The following SUGCT variants were observed in gnomAD, a reference collection of about 807,000 sequenced individuals.
The protein encoded by SUGCT is succinyl-CoA:glutarate-CoA transferase, also known as succinyl-CoA:glutarate CoA-transferase.
A neutral mutation model predicts 55.0 loss-of-function variants in SUGCT; 41 were observed. That is an observed-to-expected ratio of 0.74 (90% CI 0.58 to 0.97). SUGCT has a LOEUF of 0.97. Among genes scored for constraint, SUGCT ranks in the 50% least tolerant of loss-of-function variants. SUGCT has a pLI of 0.00. For synonymous variants in SUGCT, 187 were observed against 200.4 expected (o/e 0.93, Z 0.56); for missense variants, 568 against 547.8 (o/e 1.04, Z -0.37).
At chr7:40,842,339 G>A (rs67369140) in intron 13 of SUGCT, among the ~76,000 whole-genome samples, 37,548 of 151,910 alleles carry the variant, frequency 0.25, 5,644 homozygotes, top group East Asian at 0.8. Flanking sequence ...CAAAAAATAT[G>A]TTCTTCCAAG....
At chr7:40,818,852 G>C (rs534909245) in intron 13 of SUGCT, among the ~76,000 whole-genome samples, 2 of 151,598 alleles carry the variant, frequency 1.3e-5, no homozygotes, top group Non-Finnish European at 2.9e-5. Flanking sequence ...TTGGTGTGCC[G>C]CACCTATTAA....
intron 8 of SUGCT, among the ~76,000 whole-genome samples, chr7:40,291,532 C>T (rs913071931): frequency 2.7e-5 from 4 of 148,522 alleles, no homozygotes; most frequent in African/African-American, 9.9e-5. Context: ...GGAGGGATAG[C>T]ATTAGGAGAT....
chr7:40,224,955 T>A (rs1175589425), intron 6 of SUGCT, among the ~76,000 whole-genome samples: 1 of 152,180 alleles, frequency 6.6e-6, no homozygotes, highest in African/African-American at 2.4e-5. Context: ...TGCATTCCCA[T>A]GGGAGAAGCC....
intron 7 of SUGCT, among the ~76,000 whole-genome samples, chr7:40,245,431 T>TACA: frequency 3.2e-5 from 1 of 31,364 alleles, no homozygotes; most frequent in South Asian, 1.7e-3. Context: ...ATATTTTTTT[T>TACA]TTTTTTTTTT....
rs1246427275 is a variant in SUGCT, at chr7:40,147,438, G to A, written c.100+12318G>A. ...TAAGGAATACTTCACCACATCCTGT[G>A]GCTTTCTTTCCCTAGTCCCGACTAA... On this transcript the variant is annotated intron_variant, in intron 1 of 13. Transcript: ENST00000335693. Among the ~76,000 whole-genome samples the A allele has an allele frequency of 2.0e-5, 3 of 152,128 alleles. No homozygotes were observed. The East Asian group carries it at 5.8e-4, about 29-fold the overall frequency.
chr7:40,334,522 A>T (rs1271322958), intron 9 of SUGCT, among the ~76,000 whole-genome samples: 4 of 152,060 alleles, frequency 2.6e-5, no homozygotes, highest in East Asian at 1.9e-4. Flanking sequence ...GCATTTTTTC[A>T]TGTGTCTATT....
intron 12 of SUGCT, among the ~76,000 whole-genome samples, chr7:40,739,070 G>C (rs1787325995): frequency 6.6e-6 from 1 of 152,140 alleles, no homozygotes; most frequent in South Asian, 2.1e-4. Flanking sequence ...GCAGTGATAA[G>C]AAATAATACA....
intron 11 of SUGCT, among the ~76,000 whole-genome samples, chr7:40,478,694 T>C (rs1790850441): frequency 6.6e-6 from 1 of 152,126 alleles, no homozygotes; most frequent in Admixed American, 6.6e-5. Context: ...TAACTGAAGA[T>C]CTAACCTTTT....
chr7:40,314,585 A>G (rs1206025074), intron 8 of SUGCT, among the ~76,000 whole-genome samples: 1 of 35,830 alleles, frequency 2.8e-5, no homozygotes, highest in Non-Finnish European at 1.0e-4. Context: ...TTTTTTTAAG[A>G]CAGAGTTTCG....
In SUGCT at chr7:40,407,071, A is replaced by C. The variant is rs569672585; in HGVS notation, c.817-42216A>C. On this transcript the variant is annotated intron_variant, in intron 9 of 13. Transcript: ENST00000335693. ...TTTTGTCAAAAAAGATAAAAAAAAGAACAAAGAGCTTGAAGGCCTTCTTTG... is the reference window on the plus strand; with the variant it reads ...TTTTGTCAAAAAAGATAAAAAAAAGCACAAAGAGCTTGAAGGCCTTCTTTG... Among the ~76,000 whole-genome samples the C allele has an allele frequency of 2.6e-3, 392 of 152,304 alleles. 2 individuals carry two copies. Among genetic ancestry groups the C allele is most frequent in the African/African-American group, 8.9e-3 (369 of 41,568 alleles).
intron 12 of SUGCT, among the ~76,000 whole-genome samples, chr7:40,529,794 G>A (rs949712775): frequency 6.6e-6 from 1 of 152,116 alleles, no homozygotes; most frequent in African/African-American, 2.4e-5. Flanking sequence ...GCCATTGAAA[G>A]TAATGATAAA....
intron 13 of SUGCT, among the ~76,000 whole-genome samples, chr7:40,857,042 T>G (rs2128806240): frequency 6.6e-6 from 1 of 152,250 alleles, no homozygotes; most frequent in Middle Eastern, 3.4e-3. Context: ...ATGTGTAGAC[T>G]GAGGCTCTGA....
the SUGCT span, among the ~76,000 whole-genome samples, chr7:40,960,855 C>G: frequency 6.6e-6 from 1 of 152,136 alleles, no homozygotes; most frequent in Admixed American, 6.5e-5. Flanking sequence ...ATGCATTAGT[C>G]CACAAACATG....
At chr7:40,267,786 T>G (rs1791700652) in intron 7 of SUGCT, among the ~76,000 whole-genome samples, 1 of 152,180 alleles carries the variant, frequency 6.6e-6, no homozygotes, top group Non-Finnish European at 1.5e-5. Flanking sequence ...GTAATTTATT[T>G]TTGCTTCCTT....
chr7:40,236,506 G>C (rs1789020139), intron 6 of SUGCT, among the ~76,000 whole-genome samples: 1 of 143,968 alleles, frequency 6.9e-6, no homozygotes, highest in African/African-American at 2.6e-5. Context: ...AAATCACTTA[G>C]TTGATGTTAT....
intron 12 of SUGCT, among the ~76,000 whole-genome samples, chr7:40,746,430 A>G (rs1787735064): frequency 6.6e-6 from 1 of 152,168 alleles, no homozygotes. Context: ...AAGCAGGGGA[A>G]TACATCAGTT....
rs114319123 is a variant in SUGCT at position 40,411,260 on chromosome 7, G to A, written c.817-38027G>A. Among the ~76,000 whole-genome samples, 1,107 of 152,248 alleles carry A rather than the reference G, an allele frequency of 7.3e-3. 10 individuals are homozygous for A. The highest frequency in any genetic ancestry group is 0.025 in the African/African-American group (1,046 of 41,546). ...ATCCAAAAATTAGTTGATCATGGTG[G>A]CACATACCTGTAATCCCAGCTACTT... On this transcript the variant is annotated intron_variant, in intron 9 of 13. Transcript: ENST00000335693.
intron 12 of SUGCT, among the ~76,000 whole-genome samples, chr7:40,625,025 C>G (rs1335415984): frequency 6.6e-6 from 1 of 152,036 alleles, no homozygotes; most frequent in Non-Finnish European, 1.5e-5. Context: ...TGAGGTCATC[C>G]TTGTCTCTGA....
intron 9 of SUGCT, among the ~76,000 whole-genome samples, chr7:40,334,580 C>G (rs895426542): frequency 7.2e-5 from 11 of 152,198 alleles, no homozygotes; most frequent in African/African-American, 2.4e-4. Flanking sequence ...ATATCCTTCG[C>G]TCACTTTTTG....
Sources: gnomAD v4.1 joint callset for allele counts (sites outside exome capture counted in the v4.1 genomes callset) on GRCh38, gnomAD v4.1.1 for gene constraint, MANE v1.5 for transcripts, NCBI Gene and HGNC (gene_info 2026-07-23, HGNC 2026-07-21) for gene names.